Variants in FBXL7 observed in about 807,000 individuals in gnomAD.
FBXL7 encodes the protein F-box and leucine rich repeat protein 7.
FBXL7 carries 12 observed loss-of-function variants against 38.3 expected under a neutral mutation model. The observed-to-expected ratio is 0.31, with a 90% CI of 0.20 to 0.51. The LOEUF is 0.51. Ranked by LOEUF, FBXL7 falls within the 20% of genes least tolerant of loss-of-function variation. The pLI, the probability that FBXL7 is intolerant of heterozygous loss-of-function variation, is 0.98. For missense variants in FBXL7, 567 were observed against 676.4 expected (o/e 0.84, Z 1.79); for synonymous variants, 297 against 300.9 (o/e 0.99, Z 0.13).
chr5:15,501,866 ATGTG>A (rs70938014), intron 1 of FBXL7: 174 of 224,758 alleles, frequency 7.7e-4, no homozygotes, highest in Non-Finnish European at 1.1e-3. Flanking sequence ...GTGCATGTGT[ATGTG>A]TGTGTGTGTG....
At chr5:15,671,903 G>T (rs1272492780) in intron 2 of FBXL7, among the ~76,000 whole-genome samples, 2 of 152,158 alleles carry the variant, frequency 1.3e-5, no homozygotes, top group African/African-American at 4.8e-5. Context: ...CCTTTGAAAG[G>T]CATTTTGGGT....
intron 2 of FBXL7, among the ~76,000 whole-genome samples, chr5:15,760,455 G>T (rs750322032): frequency 3.3e-5 from 5 of 151,336 alleles, no homozygotes; most frequent in Non-Finnish European, 7.4e-5. Flanking sequence ...AAAGTTGAGA[G>T]AGTCCTAGAT....
chr5:15,817,897 C>T (rs1199484524), intron 2 of FBXL7, among the ~76,000 whole-genome samples: 1 of 152,142 alleles, frequency 6.6e-6, no homozygotes, highest in African/African-American at 2.4e-5. Context: ...TCTCCATGAT[C>T]CAGCCTCAGA....
At chr5:15,578,523 C>A (rs1041460509) in intron 1 of FBXL7, among the ~76,000 whole-genome samples, 1 of 152,116 alleles carries the variant, frequency 6.6e-6, no homozygotes. Flanking sequence ...ACACACTAAC[C>A]CATAGATATG....
intron 1 of FBXL7, among the ~76,000 whole-genome samples, chr5:15,542,378 A>G (rs1449392319): frequency 6.6e-6 from 1 of 152,214 alleles, no homozygotes; most frequent in African/African-American, 2.4e-5. Flanking sequence ...TGATGAATGA[A>G]TGGAGGTACA....
chr5:15,702,290 G>A (rs1164818261), intron 2 of FBXL7, among the ~76,000 whole-genome samples: 3 of 151,568 alleles, frequency 2.0e-5, no homozygotes, highest in African/African-American at 4.8e-5. Flanking sequence ...CAGAACTGAA[G>A]GCTGTCATGG....
At chr5:15,760,862 C>T (rs1736422109) in intron 2 of FBXL7, among the ~76,000 whole-genome samples, 1 of 152,014 alleles carries the variant, frequency 6.6e-6, no homozygotes, top group Non-Finnish European at 1.5e-5. Context: ...AAATAATTAA[C>T]TCCCACTTAG....
Position 15,733,186 on chromosome 5 carries a change from C to T in FBXL7, c.127+117114C>T, listed in dbSNP as rs1437926385. On this transcript the variant is annotated intron_variant, in intron 2 of 3. Transcript: ENST00000504595. Reference sequence around the variant, plus strand: ...TCGGCTCACTGCAACCTCCGCCTCTCGGGTTCAATCAATTATCTGCCTCAC... The same window carrying T: ...TCGGCTCACTGCAACCTCCGCCTCTTGGGTTCAATCAATTATCTGCCTCAC... Among the ~76,000 whole-genome samples, 4 of 152,236 alleles carry T rather than the reference C, an allele frequency of 2.6e-5. 1 individual carries two copies. Among genetic ancestry groups the T allele is most frequent in the South Asian group, 4.1e-4 (2 of 4,822 alleles).
chr5:15,816,783 G>C (rs756695580), intron 2 of FBXL7, among the ~76,000 whole-genome samples: 11 of 152,102 alleles, frequency 7.2e-5, no homozygotes, highest in Non-Finnish European at 1.5e-4. Context: ...AATTTGAAAA[G>C]CTGCTTAATT....
chr5:15,513,609 T>C (rs1234272816), intron 1 of FBXL7, among the ~76,000 whole-genome samples: 26 of 152,326 alleles, frequency 1.7e-4, no homozygotes, highest in Non-Finnish European at 1.5e-5. Context: ...TGATGTCTCA[T>C]TGGTGGAGGG....
chr5:15,618,216 C>T lies in FBXL7; in HGVS notation c.127+2144C>T, dbSNP rs926826965. On this transcript the variant is annotated intron_variant, in intron 2 of 3. Coordinates refer to ENST00000504595, the MANE Select transcript of FBXL7 (RefSeq NM_012304.5). The stretch of plus-strand genomic sequence containing the variant: ...CTGTTATTCTGAGGGTAGAATCAGG[C>T]GAGAAAAATAGGAAAATGTTATGTT... Among the ~76,000 whole-genome samples, 6 of 151,848 alleles carry T rather than the reference C, an allele frequency of 4.0e-5. No individual in the cohort carries two copies. In the South Asian group the frequency reaches 6.2e-4, roughly 16 times the overall value.
At chr5:15,867,975 G>C (rs938345953) in intron 2 of FBXL7, among the ~76,000 whole-genome samples, 3 of 152,114 alleles carry the variant, frequency 2.0e-5, no homozygotes, top group African/African-American at 7.2e-5. Flanking sequence ...GTGGTGGTGT[G>C]CACCTGTAGT....
chr5:15,745,415 T>C (rs1352606210), intron 2 of FBXL7, among the ~76,000 whole-genome samples: 1 of 152,160 alleles, frequency 6.6e-6, no homozygotes, highest in East Asian at 1.9e-4. Flanking sequence ...AGATAACAGG[T>C]TAAAATTCAT....
intron 1 of FBXL7, among the ~76,000 whole-genome samples, chr5:15,509,102 A>G (rs1736725854): frequency 6.6e-6 from 1 of 152,136 alleles, no homozygotes; most frequent in South Asian, 2.1e-4. Flanking sequence ...TTGGTCAGTG[A>G]TATTTGATCA....
chr5:15,613,961 A>G (rs1740350723), intron 1 of FBXL7, among the ~76,000 whole-genome samples: 1 of 152,160 alleles, frequency 6.6e-6, no homozygotes, highest in Admixed American at 6.5e-5. Flanking sequence ...CACGTGGCAG[A>G]AGGGGGCAAG....
chr5:15,522,175 C>A lies in FBXL7; in HGVS notation c.37+21462C>A, dbSNP rs138670719. Among the ~76,000 whole-genome samples the A allele has an allele frequency of 2.9e-4, 44 of 152,246 alleles. No individual in the cohort carries two copies. In the East Asian group the frequency reaches 8.1e-3, roughly 28 times the overall value. On this transcript the variant is annotated intron_variant, in intron 1 of 3. Transcript: ENST00000504595. ...GCTCCTTCATTACTATTTTATTATT[C>A]TTCCAGCTCTAGTGGGTCTCTCCTG...
intron 1 of FBXL7, among the ~76,000 whole-genome samples, chr5:15,574,994 C>G (rs1395710395): frequency 2.0e-5 from 3 of 151,654 alleles, no homozygotes; most frequent in African/African-American, 7.2e-5. Context: ...CAGGGGACAT[C>G]TGGTTATCCG....
intron 2 of FBXL7, among the ~76,000 whole-genome samples, chr5:15,818,703 C>CGTGTGTGTGTGTGT (rs3222099): frequency 1.7e-4 from 20 of 116,768 alleles, no homozygotes; most frequent in African/African-American, 2.8e-4. Flanking sequence ...CCCATTATTT[C>CGTGTGTGTGTGTGT]GTGTGTGTGT....
chr5:15,770,573 T>A (rs1470329208), intron 2 of FBXL7, among the ~76,000 whole-genome samples: 1 of 152,172 alleles, frequency 6.6e-6, no homozygotes, highest in Non-Finnish European at 1.5e-5. Flanking sequence ...ACCTCCAGAC[T>A]TTTTCATATG....
Sources: allele counts gnomAD v4.1 joint callset (sites outside exome capture counted in the v4.1 genomes callset), GRCh38; gene constraint gnomAD v4.1.1; transcripts MANE v1.5; gene names NCBI Gene and HGNC (gene_info 2026-07-23, HGNC 2026-07-21).